GMPR: variants seen among roughly 807,000 people sequenced by gnomAD.
GMPR encodes the protein guanosine monophosphate reductase.
In GMPR, 31 loss-of-function variants were observed where a neutral mutation model predicts 38.4. The ratio of observed to expected loss-of-function variants is 0.81; its 90% CI spans 0.61 to 1.09. The LOEUF is 1.09. Among genes scored for constraint, GMPR ranks in the 50% least tolerant of loss-of-function variants. The pLI is 0.00. For synonymous variants in GMPR, 162 were observed against 173.3 expected (o/e 0.93, Z 0.51); for missense variants, 468 against 453.7 (o/e 1.03, Z -0.29).
At chr6:16,264,186 C>T (rs1057385100) in intron 4 of GMPR, among the ~76,000 whole-genome samples, 2 of 151,822 alleles carry the variant, frequency 1.3e-5, no homozygotes, top group African/African-American at 2.4e-5. Context: ...GTTTTGAGTC[C>T]GTGGATAAAA....
At chr6:16,238,894 C>T (rs545424770) in intron 1 of GMPR, 114 bp downstream of exon 1, 9 of 397,430 alleles carry the variant, frequency 2.3e-5, no homozygotes, top group African/African-American at 4.3e-5. Context: ...GTGTTTGAGA[C>T]TGGGGCGCTG....
At chr6:16,248,147 C>T (rs138729062) in intron 2 of GMPR, among the ~76,000 whole-genome samples, 3,533 of 146,792 alleles carry the variant, frequency 0.024, 132 homozygotes, top group African/African-American at 0.082. Flanking sequence ...GGGAAGATCA[C>T]TTGAGCTGGG....
At chr6:16,260,675 G>C (rs1048930258) in intron 4 of GMPR, among the ~76,000 whole-genome samples, 1 of 152,052 alleles carries the variant, frequency 6.6e-6, no homozygotes, top group African/African-American at 2.4e-5. Context: ...AGGCGGGCTA[G>C]TGGCTTGTAC....
chr6:16,269,952 T>A (rs1561829454), intron 4 of GMPR, among the ~76,000 whole-genome samples: 1 of 152,168 alleles, frequency 6.6e-6, no homozygotes, highest in African/African-American at 2.4e-5. Flanking sequence ...CATGTGGATC[T>A]CTCTCAGTCC....
chr6:16,255,017 T>C (rs1449420936), intron 4 of GMPR, among the ~76,000 whole-genome samples: 1 of 148,806 alleles, frequency 6.7e-6, no homozygotes, highest in Non-Finnish European at 1.5e-5. Flanking sequence ...TACTTTTTCT[T>C]TTTTTTTTTT....
intron 7 of GMPR, among the ~76,000 whole-genome samples, chr6:16,288,874 T>G (rs1390669005): frequency 6.6e-6 from 1 of 151,980 alleles, no homozygotes. Flanking sequence ...ACACTCTGTA[T>G]CTAGCTAATC....
At chr6:16,283,768 C>CA (rs1338087530) in intron 6 of GMPR, among the ~76,000 whole-genome samples, 1 of 152,056 alleles carries the variant, frequency 6.6e-6, no homozygotes, top group Non-Finnish European at 1.5e-5. Flanking sequence ...AATGAGTGAA[C>CA]AAAAGAGTGA....
intron 1 of GMPR, among the ~76,000 whole-genome samples, chr6:16,245,556 G>C (rs1349923972): frequency 1.3e-5 from 2 of 152,220 alleles, no homozygotes; most frequent in Non-Finnish European, 2.9e-5. Flanking sequence ...TCATACCTGT[G>C]CTCCTCTGGC....
intron 4 of GMPR, among the ~76,000 whole-genome samples, chr6:16,268,415 A>G (rs746034837): frequency 9.2e-5 from 14 of 152,088 alleles, no homozygotes; most frequent in Non-Finnish European, 1.6e-4. Flanking sequence ...CCCAGGTTCA[A>G]GTGATTCTCC....
intron 4 of GMPR, among the ~76,000 whole-genome samples, chr6:16,259,619 T>G (rs1759043438): frequency 6.6e-6 from 1 of 151,542 alleles, no homozygotes; most frequent in African/African-American, 2.4e-5. Flanking sequence ...GTGGTAAGGG[T>G]TGATATTGTG....
chr6:16,252,297 T>C (rs1758889747), intron 3 of GMPR, among the ~76,000 whole-genome samples: 2 of 152,204 alleles, frequency 1.3e-5, no homozygotes. Flanking sequence ...TTTGCTCTTG[T>C]CACCCAGACT....
intron 4 of GMPR, among the ~76,000 whole-genome samples, chr6:16,269,500 A>T (rs1157317289): frequency 6.6e-6 from 1 of 152,214 alleles, no homozygotes; most frequent in African/African-American, 2.4e-5. Flanking sequence ...CTTATATTAT[A>T]AAAATCAGAA....
chr6:16,242,344 T>A (rs1250019580), intron 1 of GMPR, among the ~76,000 whole-genome samples: 1 of 152,038 alleles, frequency 6.6e-6, no homozygotes, highest in Non-Finnish European at 1.5e-5. Context: ...TTTTTTTTTT[T>A]TTTTTAACCT....
In GMPR at chr6:16,266,705, G is replaced by T. The variant is rs913459124; in HGVS notation, c.466-7710G>T. Among the ~76,000 whole-genome samples the T allele has an allele frequency of 4.6e-5, 7 of 151,728 alleles. No homozygotes were observed. In the South Asian group the frequency reaches 8.3e-4, roughly 18 times the overall value. On this transcript the variant is annotated intron_variant, in intron 4 of 8. Coordinates refer to ENST00000259727, the MANE Select transcript of GMPR (RefSeq NM_006877.4). ...GGGCGCCTGTAGTCCCAGCTACTCG[G>T]GAGGCTGAGGCAGGAGAATTGCATG... is the stretch of plus-strand genomic sequence containing the variant.
intron 5 of GMPR, among the ~76,000 whole-genome samples, chr6:16,276,899 G>T (rs1005139268): frequency 5.9e-5 from 9 of 152,222 alleles, no homozygotes; most frequent in Non-Finnish European, 1.3e-4. Flanking sequence ...TCACCTAGGT[G>T]TTAATCAGAA....
intron 5 of GMPR, among the ~76,000 whole-genome samples, chr6:16,276,305 G>A (rs1581661426): frequency 2.6e-5 from 4 of 152,212 alleles, no homozygotes; most frequent in South Asian, 4.2e-4. Flanking sequence ...GAGTAACTGG[G>A]ATTACAGGCA....
At chr6:16,264,297 A>G (rs1255460285) in intron 4 of GMPR, 2 of 179,866 alleles carry the variant, frequency 1.1e-5, no homozygotes, top group Non-Finnish European at 2.3e-5. Context: ...AGGCTGAGGG[A>G]TAGTGAGGGA....
intron 4 of GMPR, among the ~76,000 whole-genome samples, chr6:16,255,379 C>T (rs1011842113): frequency 1.2e-4 from 19 of 152,118 alleles, no homozygotes; most frequent in Admixed American, 9.8e-4. Context: ...AGATTGAAAA[C>T]GTGACTGGGT....
chr6:16,259,116 C>T (rs9350001), intron 4 of GMPR: 17,253 of 151,778 alleles, frequency 0.11, 1,825 homozygotes, highest in African/African-American at 0.27. Context: ...AGAGAGTCAG[C>T]GAAGGGAGAT....
Sources: gnomAD v4.1 joint callset for allele counts (sites outside exome capture counted in the v4.1 genomes callset) on GRCh38, gnomAD v4.1.1 for gene constraint, MANE v1.5 for transcripts, NCBI Gene and HGNC (gene_info 2026-07-23, HGNC 2026-07-21) for gene names.